KCNH5: variants seen among roughly 807,000 people sequenced by gnomAD.
The protein encoded by KCNH5 is potassium voltage-gated channel subfamily H member 5, also known as voltage-gated delayed rectifier potassium channel KCNH5.
In KCNH5, 46 loss-of-function variants were observed where a neutral mutation model predicts 96.1. The observed-to-expected ratio is 0.48, with a 90% CI of 0.38 to 0.61. The LOEUF is 0.61. KCNH5 is among the 20% of genes least tolerant of loss of function. The pLI, the probability that KCNH5 is intolerant of heterozygous loss-of-function variation, is 0.00. For missense variants in KCNH5, 907 were observed against 1,225.8 expected (o/e 0.74, Z 3.88); for synonymous variants, 439 against 449.8 (o/e 0.98, Z 0.30).
chr14:62,907,458 T>C (rs1889051700), intron 7 of KCNH5, among the ~76,000 whole-genome samples: 1 of 152,112 alleles, frequency 6.6e-6, no homozygotes, highest in Non-Finnish European at 1.5e-5. Flanking sequence ...ATTTTTATTC[T>C]CTCCCACATG....
intron 6 of KCNH5, among the ~76,000 whole-genome samples, chr14:62,958,418 C>T (rs756913981): frequency 1.3e-5 from 2 of 152,156 alleles, no homozygotes; most frequent in African/African-American, 2.4e-5. Flanking sequence ...TACTTCTCCT[C>T]AGACACCCAC....
Position 63,028,109 on chromosome 14 carries a change from CCTCTCT to C in KCNH5, c.74-11161_74-11156del, listed in dbSNP as rs10547361. ...AACAACTCTGCAAAGGCTTTACAAA[CCTCTCT>C]CTCTCTCTCTCTCTTATAAACAGAC... On this transcript the variant is annotated intron_variant, in intron 1 of 10. Transcript: ENST00000322893. Among the ~76,000 whole-genome samples, 3 of 148,654 alleles carry C rather than the reference CCTCTCT, an allele frequency of 2.0e-5. No individual in the cohort carries two copies. In the Admixed American group the frequency reaches 2.0e-4, roughly 10 times the overall value.
chr14:62,748,825 G>A (rs1396083434), intron 10 of KCNH5, among the ~76,000 whole-genome samples: 1 of 152,076 alleles, frequency 6.6e-6, no homozygotes, highest in East Asian at 1.9e-4. Context: ...AACTTGTCTT[G>A]TATTCCTGCA....
chr14:62,940,397 T>C (rs1160789792), intron 7 of KCNH5, among the ~76,000 whole-genome samples: 1 of 152,230 alleles, frequency 6.6e-6, no homozygotes. Context: ...ATTTATGTCT[T>C]CCTGGATTGC....
chr14:62,850,877 T>A (rs376672683), intron 7 of KCNH5, among the ~76,000 whole-genome samples: 14 of 152,150 alleles, frequency 9.2e-5, no homozygotes, highest in African/African-American at 3.4e-4. Context: ...CACAAGTAAG[T>A]AGACTCACAG....
At chr14:62,844,211 T>C (rs1887646374) in intron 8 of KCNH5, among the ~76,000 whole-genome samples, 1 of 152,198 alleles carries the variant, frequency 6.6e-6, no homozygotes, top group Admixed American at 6.5e-5. Flanking sequence ...GAGCTTTTTC[T>C]GATTTTTTTC....
At chr14:62,959,798 T>G (rs1178286284) in intron 6 of KCNH5, among the ~76,000 whole-genome samples, 1 of 152,110 alleles carries the variant, frequency 6.6e-6, no homozygotes, top group Non-Finnish European at 1.5e-5. Flanking sequence ...TCTCTCAAAT[T>G]TATCTACCTC....
chr14:62,704,285 A>G lies in KCNH5; in HGVS notation c.*3223T>C, dbSNP rs1182191483. On this transcript the variant is annotated 3_prime_UTR_variant, in exon 11 of 11. Transcript: ENST00000322893. ...TAATGCAAGATGCAACTAGTGTCATAAAAATTTTCCATTTTAACAATGAAG... is the reference window on the plus strand; with the variant it reads ...TAATGCAAGATGCAACTAGTGTCATGAAAATTTTCCATTTTAACAATGAAG... The G allele has an allele frequency of 6.6e-6, 1 of 151,924 alleles. No individual in the cohort carries two copies. Among genetic ancestry groups the G allele is most frequent in the Admixed American group, 6.6e-5 (1 of 15,244 alleles). 9.4% of individuals were successfully genotyped at this position (151,924 alleles called of 1,614,324 possible).
At chr14:62,803,974 A>G (rs912231716) in intron 8 of KCNH5, among the ~76,000 whole-genome samples, 2 of 152,142 alleles carry the variant, frequency 1.3e-5, no homozygotes, top group East Asian at 1.9e-4. Context: ...TCCTCTACTA[A>G]TTGCATTTTA....
intron 7 of KCNH5, among the ~76,000 whole-genome samples, chr14:62,868,449 T>C (rs1324121238): frequency 6.6e-6 from 1 of 152,238 alleles, no homozygotes; most frequent in Non-Finnish European, 1.5e-5. Context: ...ATTACCTTCA[T>C]TTAATTCATA....
At chr14:62,813,180 A>G (rs1456800854) in intron 8 of KCNH5, among the ~76,000 whole-genome samples, 1 of 152,276 alleles carries the variant, frequency 6.6e-6, no homozygotes, top group African/African-American at 2.4e-5. Flanking sequence ...TGTGTATGAG[A>G]GTATGTTGCA....
chr14:62,936,958 G>A (rs1364152257), intron 7 of KCNH5, among the ~76,000 whole-genome samples: 1 of 119,726 alleles, frequency 8.4e-6, no homozygotes, highest in African/African-American at 3.4e-5. Context: ...TCCAGCCTGG[G>A]CAACAGAGTG....
chr14:62,918,887 C>T (rs1889327351), intron 7 of KCNH5, among the ~76,000 whole-genome samples: 1 of 151,828 alleles, frequency 6.6e-6, no homozygotes, highest in Non-Finnish European at 1.5e-5. Context: ...TGTCCATGTA[C>T]CAAAATACTT....
At chr14:62,976,817 C>T (rs1160065095) in intron 6 of KCNH5, among the ~76,000 whole-genome samples, 1 of 152,114 alleles carries the variant, frequency 6.6e-6, no homozygotes, top group African/African-American at 2.4e-5. Context: ...TTATAGCTAG[C>T]TTAACTATCA....
intron 4 of KCNH5, among the ~76,000 whole-genome samples, chr14:62,993,673 T>A (rs1890854788): frequency 6.6e-6 from 1 of 152,064 alleles, no homozygotes; most frequent in South Asian, 2.1e-4. Flanking sequence ...GTTCATTTGA[T>A]CTCCCACCAA....
chr14:62,853,462 T>TATATATATATATATATATATC (rs1325630757), intron 7 of KCNH5, among the ~76,000 whole-genome samples: 11 of 121,146 alleles, frequency 9.1e-5, no homozygotes, highest in African/African-American at 3.5e-4. Flanking sequence ...TAATCATATA[T>TATATATATATATATATATATC]ATATATATAT....
At chr14:62,973,579 C>A (rs1890449060) in intron 6 of KCNH5, among the ~76,000 whole-genome samples, 1 of 152,132 alleles carries the variant, frequency 6.6e-6, no homozygotes, top group Non-Finnish European at 1.5e-5. Flanking sequence ...ACACCACATG[C>A]CAGTGCCTTG....
intron 10 of KCNH5, among the ~76,000 whole-genome samples, chr14:62,724,947 G>A (rs532489347): frequency 6.2e-4 from 94 of 152,322 alleles, no homozygotes; most frequent in Non-Finnish European, 5.0e-4. Context: ...AGCAAAGCCG[G>A]CAGAGGCCCT....
rs879283217 is a variant in KCNH5 at position 62,812,607 on chromosome 14, T to C, written c.1570-10026A>G. On this transcript the variant is annotated intron_variant, in intron 8 of 10. Coordinates refer to ENST00000322893, the MANE Select transcript of KCNH5 (RefSeq NM_139318.5). ...AGATAAGGGAGTCTAAATATGATAATTAACAGAGAAGGCAATAAATTAAAC... is the reference window on the plus strand; with the variant it reads ...AGATAAGGGAGTCTAAATATGATAACTAACAGAGAAGGCAATAAATTAAAC... Among the ~76,000 whole-genome samples, 5 of 147,964 alleles carry C rather than the reference T, an allele frequency of 3.4e-5. No homozygotes were observed. In the Admixed American group the frequency reaches 3.4e-4, roughly 10 times the overall value.
Sources: allele counts gnomAD v4.1 joint callset (sites outside exome capture counted in the v4.1 genomes callset), GRCh38; gene constraint gnomAD v4.1.1; transcripts MANE v1.5; gene names NCBI Gene and HGNC (gene_info 2026-07-23, HGNC 2026-07-21).